Variants in GOLGA2 observed in about 807,000 individuals in gnomAD.
The protein encoded by GOLGA2 is golgin A2.
GOLGA2 carries 49 observed loss-of-function variants against 148.8 expected under a neutral mutation model. That is an observed-to-expected ratio of 0.33 (90% CI 0.26 to 0.42). The LOEUF (loss-of-function observed/expected upper bound fraction) is 0.42. GOLGA2 is among the 10% of genes least tolerant of loss of function. The pLI, the probability that GOLGA2 is intolerant of heterozygous loss-of-function variation, is 1.00. For missense variants in GOLGA2, 1,178 were observed against 1,304.6 expected (o/e 0.90, Z 1.49); for synonymous variants, 501 against 511.8 (o/e 0.98, Z 0.28).
At chr9:128,264,754 G>C (rs1191340124) in intron 12 of GOLGA2, among the ~76,000 whole-genome samples, 1 of 152,140 alleles carries the variant, frequency 6.6e-6, no homozygotes, top group African/African-American at 2.4e-5. Flanking sequence ...CTGGCTAACA[G>C]AGGCCCAGAG....
intron 6 of GOLGA2, 33 bp downstream of exon 6, chr9:128,267,901 C>A (rs747375800): frequency 2.3e-5 from 36 of 1,534,498 alleles, no homozygotes; most frequent in Non-Finnish European, 3.2e-5. Flanking sequence ...TCCCTTCCCC[C>A]CACCCCGCTC....
chr9:128,258,953 A>G lies in GOLGA2; in HGVS notation c.2173+54T>C, dbSNP rs1379098610. ...AACTCCTCAATTCTACGCTGCTAAC[A>G]GTCCCCCCTTCTTCCTGGGGCTCTC... is the stretch of plus-strand genomic sequence containing the variant. On this transcript the variant is annotated intron_variant, in intron 21 of 26. Coordinates refer to ENST00000611957, the MANE Select transcript of GOLGA2 (RefSeq NM_001366244.2). The surrounding 1 kb of genome is among the most constrained non-coding windows in gnomAD (Gnocchi z 6.6). 3 of 1,145,230 alleles carry G rather than the reference A, an allele frequency of 2.6e-6. No individual in the cohort carries two copies. The highest frequency in any genetic ancestry group is 3.0e-5 in the African/African-American group (2 of 66,190). 70.9% of individuals were successfully genotyped at this position (1,145,230 alleles called of 1,614,324 possible).
intron 1 of GOLGA2, among the ~76,000 whole-genome samples, chr9:128,274,707 C>T (rs1029185561): frequency 3.2e-4 from 49 of 152,164 alleles, no homozygotes; most frequent in African/African-American, 1.2e-3. Flanking sequence ...AGAAAGAGGA[C>T]AACCCAAGCC....
chr9:128,270,277 G>C (rs1588490914), intron 3 of GOLGA2, among the ~76,000 whole-genome samples: 1 of 151,846 alleles, frequency 6.6e-6, no homozygotes, highest in Admixed American at 6.6e-5. Flanking sequence ...GATTATAGGT[G>C]CACGCTACCA....
Position 128,268,131 on chromosome 9 carries a change from G to A in GOLGA2, c.423C>T (p.Leu141=), listed in dbSNP as rs768416244. 10 of 1,613,286 alleles carry A rather than the reference G, an allele frequency of 6.2e-6. No homozygotes were observed. The highest frequency in any genetic ancestry group is 7.6e-6 in the Non-Finnish European group (9 of 1,179,342). ...GAGACACTCACTTGGTTTCATCCAT[G>A]AGATTAGGGACATTGTCAGCATCAT... ...QNHDADNVPN[L]MDETKTFSST... Residue 141 remains leucine (L), a synonymous_variant, in exon 5 of 27, where the codon CTC becomes CTT. Transcript: ENST00000611957.
chr9:128,263,835 C>T (rs977385772), intron 12 of GOLGA2, among the ~76,000 whole-genome samples: 2 of 151,734 alleles, frequency 1.3e-5, no homozygotes, highest in South Asian at 2.1e-4. Flanking sequence ...TTACGGCACC[C>T]GGCTGGTCTC....
intron 12 of GOLGA2, among the ~76,000 whole-genome samples, chr9:128,263,511 G>A (rs1244823645): frequency 3.3e-5 from 5 of 152,030 alleles, no homozygotes; most frequent in East Asian, 1.9e-4. Context: ...TCCGCCTCCC[G>A]GGTTCATGCC....
chr9:128,264,534 C>T (rs1830481242), intron 12 of GOLGA2, among the ~76,000 whole-genome samples: 1 of 152,172 alleles, frequency 6.6e-6, no homozygotes, highest in African/African-American at 2.4e-5. Context: ...TCAAGCAATT[C>T]TCCTGCCTCA....
rs192645698 is a variant in GOLGA2 at position 128,266,949 on chromosome 9, G to A, written c.642+245C>T. On this transcript the variant is annotated intron_variant, in intron 8 of 26. Transcript: ENST00000611957. This position sits in a 1 kb window ranked among gnomAD's most constrained non-coding sequence, Gnocchi z 4.2. ...GCTTCCCCAAGAGGCAACAACCCCAGGGCGTGTGTGGCAAGGACTCGAGCA... is the reference window on the plus strand; with the variant it reads ...GCTTCCCCAAGAGGCAACAACCCCAAGGCGTGTGTGGCAAGGACTCGAGCA... 2.1e-4 allele frequency: 126 copies of A among 587,838 alleles called. No individual in the cohort carries two copies. Among genetic ancestry groups the A allele is most frequent in the African/African-American group, 1.6e-3 (86 of 53,520 alleles). 36.4% of individuals were successfully genotyped at this position (587,838 alleles called of 1,614,324 possible). A position where few individuals can be genotyped will look rare whatever the true frequency, so the allele number is the denominator to read the frequency against.
At chr9:128,269,439 T>C (rs1321733221) in intron 3 of GOLGA2, among the ~76,000 whole-genome samples, 1 of 152,124 alleles carries the variant, frequency 6.6e-6, no homozygotes, top group Admixed American at 6.5e-5. Context: ...TAAGACATCT[T>C]CCCTGTGGCT....
intron 12 of GOLGA2, 38 bp downstream of exon 12, chr9:128,265,547 C>A: frequency 7.0e-7 from 1 of 1,426,120 alleles, no homozygotes; most frequent in Non-Finnish European, 9.9e-7. Flanking sequence ...ATCTGGGAAG[C>A]CAGTATGCCA....
At position 128,267,517 on chromosome 9, in the gene GOLGA2, A is replaced by G; in HGVS notation, c.502T>C (p.Ser168Pro). Residue 168 changes from serine to proline, a missense_variant and splice_region_variant, in exon 7 of 27, where the codon TCT (serine) becomes CCT (proline). By Grantham distance (74) the Ser-to-Pro change is moderately conservative (BLOSUM62 -1). This residue lies in a region of GOLGA2 where 304 missense variants were observed against 404.1 expected (regional missense o/e 0.75). Transcript: ENST00000611957. The part of the protein sequence containing the change: ...SQQLNGLVCE[S>P]ATCVNGEGPA... ...CCCTCCCCATTGACACATGTCGCAG[A>G]CTATAAGAGACGAGAGTGCACATGG... 2 of 1,610,578 alleles carry G rather than the reference A, an allele frequency of 1.2e-6. No homozygotes were observed. Among genetic ancestry groups the G allele is most frequent in the Non-Finnish European group, 1.7e-6 (2 of 1,176,762 alleles).
Position 128,258,868 on chromosome 9 carries a change from G to A in GOLGA2, c.2173+139C>T. 1 of 691,240 alleles carries A rather than the reference G, an allele frequency of 1.4e-6. No homozygotes were observed. The highest frequency in any genetic ancestry group is 2.5e-6 in the Non-Finnish European group (1 of 397,266). 42.8% of individuals were successfully genotyped at this position (691,240 alleles called of 1,614,324 possible). On this transcript the variant is annotated intron_variant, in intron 21 of 26. Transcript: ENST00000611957. The surrounding 1 kb of genome is among the most constrained non-coding windows in gnomAD (Gnocchi z 6.6). ...GCTCCCAGGAAGTCACCATATTGAT[G>A]CCGAACTTAGTGTGGACACCCAGTT...
intron 3 of GOLGA2, among the ~76,000 whole-genome samples, chr9:128,270,129 A>ATTTTTT (rs776425049): frequency 2.6e-5 from 3 of 115,148 alleles, no homozygotes; most frequent in African/African-American, 3.6e-5. Flanking sequence ...GAGGAAGGGA[A>ATTTTTT]TTTTTTTTTT....
At chr9:128,262,511 A>G in intron 14 of GOLGA2, 52 bp downstream of exon 14, 18 of 1,582,094 alleles carry the variant, frequency 1.1e-5, no homozygotes, top group Non-Finnish European at 1.5e-5. Flanking sequence ...TCCCTAGACC[A>G]TGGCCCCAGC....
chr9:128,270,289 G>A (rs922691664), intron 3 of GOLGA2, among the ~76,000 whole-genome samples: 2 of 151,912 alleles, frequency 1.3e-5, no homozygotes, highest in Non-Finnish European at 2.9e-5. Context: ...ACGCTACCAC[G>A]CCCAGCTAAT....
intron 12 of GOLGA2, among the ~76,000 whole-genome samples, chr9:128,265,256 A>C (rs1239988302): frequency 6.6e-6 from 1 of 152,234 alleles, no homozygotes; most frequent in Non-Finnish European, 1.5e-5. Context: ...AAATGGTAAC[A>C]TACTAAAGAT....
Position 128,258,506 on chromosome 9 carries a change from T to TACTGCC in GOLGA2, c.2232_2237dup (p.Ala745_Val746dup). On this transcript the variant is annotated inframe_insertion, in exon 22 of 27. Transcript: ENST00000611957. The surrounding 1 kb of genome is among the most constrained non-coding windows in gnomAD (Gnocchi z 6.6). ...CCGGGATGCTTGGCATGGGCTGAGG[T>TACTGCC]ACTGCCACCGCCTCCTCCTCCTCCT... 6.2e-7 allele frequency: 1 copy of TACTGCC among 1,603,638 alleles called. No individual in the cohort carries two copies. Among genetic ancestry groups the TACTGCC allele is most frequent in the Non-Finnish European group, 8.5e-7 (1 of 1,177,670 alleles).
intron 14 of GOLGA2, 128 bp downstream of exon 14, chr9:128,262,435 G>A: frequency 4.1e-6 from 3 of 731,054 alleles, no homozygotes; most frequent in Non-Finnish European, 4.5e-6. Flanking sequence ...AGGATTTTAT[G>A]CCAGGACCGG....
Sources: gnomAD v4.1 joint callset for allele counts (sites outside exome capture counted in the v4.1 genomes callset) on GRCh38, gnomAD v4.1.1 for gene constraint, gnomAD v4.1.1 regional missense constraint, Gnocchi (gnomAD v3.1) non-coding constraint, MANE v1.5 for transcripts, NCBI Gene and HGNC (gene_info 2026-07-23, HGNC 2026-07-21) for gene names.